KSR2: variants seen among roughly 807,000 people sequenced by gnomAD.
The protein encoded by KSR2 is kinase suppressor of ras 2.
In KSR2, 25 loss-of-function variants were observed where a neutral mutation model predicts 107.8. That is an observed-to-expected ratio of 0.23 (90% CI 0.17 to 0.32). The LOEUF (loss-of-function observed/expected upper bound fraction) is 0.32, where lower values mean the gene tolerates loss of function less well. Ranked by LOEUF, KSR2 falls within the 10% of genes least tolerant of loss-of-function variation. The probability of loss-of-function intolerance (pLI) is 1.00; values close to 1 mark genes in which losing one functional copy is unlikely to be tolerated. For missense variants in KSR2, 887 were observed against 1,268.9 expected (o/e 0.70, Z 4.57); for synonymous variants, 480 against 507.0 (o/e 0.95, Z 0.71).
rs1338144342 is a variant in KSR2 at position 117,906,500 on chromosome 12, G to A, written c.181-46069C>T. Among the ~76,000 whole-genome samples, 8 of 152,108 alleles carry A rather than the reference G, an allele frequency of 5.3e-5. No individual in the cohort carries two copies. In the East Asian group the frequency reaches 1.5e-3, roughly 29 times the overall value. ...ACGCGCCTGTAGTTCCAGCTACTTGGAAGGCTGAAGCAGGAGAATCACTTG... is the reference window on the plus strand; with the variant it reads ...ACGCGCCTGTAGTTCCAGCTACTTGAAAGGCTGAAGCAGGAGAATCACTTG... On this transcript the variant is annotated intron_variant, in intron 1 of 19. Transcript: ENST00000339824.
At chr12:117,807,485 T>G (rs920091242) in intron 3 of KSR2, among the ~76,000 whole-genome samples, 13 of 152,184 alleles carry the variant, frequency 8.5e-5, no homozygotes, top group African/African-American at 3.1e-4. Context: ...TAAGTTTGGG[T>G]TATCACCAAA....
intron 3 of KSR2, among the ~76,000 whole-genome samples, chr12:117,775,006 G>A (rs922754045): frequency 6.6e-6 from 1 of 152,104 alleles, no homozygotes; most frequent in Non-Finnish European, 1.5e-5. Flanking sequence ...TTCCTTTCTT[G>A]TTATGGCTGA....
At chr12:117,527,205 A>T in intron 12 of KSR2, 86 bp from the exon 13 acceptor site, 1 of 964,400 alleles carries the variant, frequency 1.0e-6, no homozygotes. Context: ...GAATCCCCAG[A>T]TCGGAGGTCT....
intron 4 of KSR2, among the ~76,000 whole-genome samples, chr12:117,715,195 A>G (rs1328603571): frequency 6.6e-6 from 1 of 152,196 alleles, no homozygotes; most frequent in Non-Finnish European, 1.5e-5. Context: ...CAGTGAGGCA[A>G]TAAGAATCTG....
chr12:117,458,491 A>C lies in KSR2; in HGVS notation c.*8708T>G, dbSNP rs1592892487. ...AAATTTAAGAAGGCGCGATGCAAAT[A>C]GCATGTTGGCATAAACAAGTGCTGC... On this transcript the variant is annotated 3_prime_UTR_variant, in exon 20 of 20. Transcript: ENST00000339824. 6.6e-6 allele frequency: 1 copy of C among 152,184 alleles called. No individual in the cohort carries two copies. The highest frequency in any genetic ancestry group is 1.9e-4 in the East Asian group (1 of 5,198). 9.4% of individuals were successfully genotyped at this position (152,184 alleles called of 1,614,324 possible).
intron 10 of KSR2, among the ~76,000 whole-genome samples, chr12:117,532,634 G>T (rs1182427103): frequency 6.6e-6 from 1 of 152,246 alleles, no homozygotes; most frequent in East Asian, 1.9e-4. Context: ...TTTTATAAAA[G>T]AAATTTTCTG....
chr12:117,657,758 C>A (rs1342811103), intron 5 of KSR2, among the ~76,000 whole-genome samples: 1 of 152,196 alleles, frequency 6.6e-6, no homozygotes, highest in Non-Finnish European at 1.5e-5. Context: ...GTGCTGGACA[C>A]AAAGTGAATG....
At chr12:117,480,922 C>A (rs1872135536) in intron 16 of KSR2, among the ~76,000 whole-genome samples, 1 of 152,196 alleles carries the variant, frequency 6.6e-6, no homozygotes, top group African/African-American at 2.4e-5. Context: ...CCCAGCTGGG[C>A]ATGGTGGTGC....
intron 3 of KSR2, among the ~76,000 whole-genome samples, chr12:117,798,830 A>T (rs1890731498): frequency 6.6e-6 from 1 of 151,950 alleles, no homozygotes; most frequent in Non-Finnish European, 1.5e-5. Context: ...AGAAGAAACA[A>T]CCCCAGTGTC....
rs1016054893 is a variant in KSR2, at chr12:117,968,283, C to T, written c.-28G>A. Reference sequence around the variant, plus strand: ...CTTGCTCTGCAACCCCCTTCCCCTCCTCCTCCTCCCAGAGAGAAAAAAGAG... The same window carrying T: ...CTTGCTCTGCAACCCCCTTCCCCTCTTCCTCCTCCCAGAGAGAAAAAAGAG... On this transcript the variant is annotated 5_prime_UTR_variant, in exon 1 of 20. Transcript: ENST00000339824. 1.7e-5 allele frequency: 25 copies of T among 1,503,006 alleles called. No individual in the cohort carries two copies. Among genetic ancestry groups the T allele is most frequent in the Non-Finnish European group, 2.2e-5 (25 of 1,137,486 alleles). The allele number at this position is 1,503,006 out of a possible 1,614,324, so 93.1% of individuals were successfully genotyped here.
intron 9 of KSR2, among the ~76,000 whole-genome samples, chr12:117,547,028 G>A (rs1291657998): frequency 6.6e-6 from 1 of 152,182 alleles, no homozygotes; most frequent in Admixed American, 6.5e-5. Context: ...TATTCAGCTT[G>A]AGATCTTTCT....
At chr12:117,886,310 T>A in intron 1 of KSR2, among the ~76,000 whole-genome samples, 1 of 151,674 alleles carries the variant, frequency 6.6e-6, no homozygotes, top group East Asian at 1.9e-4. Context: ...TAAATATATG[T>A]AGTATATATT....
chr12:117,870,616 GA>G (rs1208316374), intron 1 of KSR2, among the ~76,000 whole-genome samples: 4 of 151,358 alleles, frequency 2.6e-5, no homozygotes, highest in African/African-American at 7.3e-5. Flanking sequence ...GAAAAGAAAA[GA>G]AAAAAAAATT....
intron 5 of KSR2, among the ~76,000 whole-genome samples, chr12:117,621,502 AGG>A (rs1169240639): frequency 7.9e-5 from 12 of 152,178 alleles, no homozygotes; most frequent in Non-Finnish European, 1.8e-4. Flanking sequence ...CAGTAGCATG[AGG>A]ATAAATATAG....
intron 1 of KSR2, among the ~76,000 whole-genome samples, chr12:117,912,103 C>CA (rs1490833749): frequency 1.3e-5 from 2 of 152,156 alleles, no homozygotes; most frequent in Non-Finnish European, 2.9e-5. Flanking sequence ...TCAGGAAACT[C>CA]AAAGAATGAA....
chr12:117,699,393 T>C (rs1313970411), intron 4 of KSR2, among the ~76,000 whole-genome samples: 1 of 152,156 alleles, frequency 6.6e-6, no homozygotes, highest in African/African-American at 2.4e-5. Context: ...TCCTAAGAAA[T>C]GCATTAGGTT....
intron 4 of KSR2, among the ~76,000 whole-genome samples, chr12:117,730,854 G>T (rs1007413144): frequency 6.6e-6 from 1 of 152,142 alleles, no homozygotes. Flanking sequence ...ATCTCGGCTC[G>T]CTACAACCTC....
chr12:117,660,796 C>T (rs11068607), intron 5 of KSR2, among the ~76,000 whole-genome samples: 14,926 of 152,232 alleles, frequency 0.098, 822 homozygotes, highest in African/African-American at 0.14. Flanking sequence ...ATTTGACACA[C>T]GTGCAGTCCC....
intron 5 of KSR2, among the ~76,000 whole-genome samples, chr12:117,631,097 C>T (rs534489724): frequency 2.0e-5 from 3 of 152,216 alleles, no homozygotes; most frequent in Admixed American, 2.0e-4. Flanking sequence ...GCCAGGAGCT[C>T]AAGACCAGCC....
Sources: allele counts gnomAD v4.1 joint callset (sites outside exome capture counted in the v4.1 genomes callset), GRCh38; gene constraint gnomAD v4.1.1; transcripts MANE v1.5; gene names NCBI Gene and HGNC (gene_info 2026-07-23, HGNC 2026-07-21).